Variants in EYS observed in about 807,000 individuals in gnomAD.
EYS encodes the protein EGF-like photoreceptor maintenance factor, also known as protein eyes shut homolog.
Under a neutral mutation model 282.1 loss-of-function variants are expected in EYS, and 250 were observed. The observed-to-expected ratio is 0.89, with a 90% CI of 0.80 to 0.98. The LOEUF (loss-of-function observed/expected upper bound fraction) is 0.98, where lower values mean the gene tolerates loss of function less well. EYS is among the 50% of genes least tolerant of loss of function. The probability of loss-of-function intolerance (pLI) is 0.00; values close to 1 mark genes in which losing one functional copy is unlikely to be tolerated. For missense variants in EYS, 4,016 were observed against 3,709.0 expected, an observed-to-expected ratio of 1.08 and a Z score of -2.15; for synonymous variants, 1,355 against 1,282.9, an observed-to-expected ratio of 1.06 and a Z score of -1.20.
intron 26 of EYS, among the ~76,000 whole-genome samples, chr6:64,487,322 T>C (rs1776605730): frequency 6.6e-6 from 1 of 150,980 alleles, no homozygotes; most frequent in African/African-American, 2.4e-5. Flanking sequence ...TAACCTGAAA[T>C]CATATAGAGA....
At chr6:64,697,471 C>T (rs1770621688) in intron 22 of EYS, among the ~76,000 whole-genome samples, 1 of 152,144 alleles carries the variant, frequency 6.6e-6, no homozygotes. Flanking sequence ...TAGCACTGGA[C>T]ATGTCATTGA....
chr6:64,728,623 C>A (rs183626878), intron 22 of EYS, among the ~76,000 whole-genome samples: 2 of 152,288 alleles, frequency 1.3e-5, no homozygotes, highest in Admixed American at 1.3e-4. Flanking sequence ...GTGTGAGCCA[C>A]CGCGACCAGC....
intron 35 of EYS, among the ~76,000 whole-genome samples, chr6:63,873,945 G>T (rs888522116): frequency 6.6e-6 from 1 of 152,076 alleles, no homozygotes; most frequent in Non-Finnish European, 1.5e-5. Context: ...TCTGTAGGGT[G>T]CCTGTTCACT....
intron 22 of EYS, among the ~76,000 whole-genome samples, chr6:64,672,941 T>C (rs1238509910): frequency 6.6e-6 from 1 of 152,168 alleles, no homozygotes; most frequent in East Asian, 1.9e-4. Flanking sequence ...GAAGCATTCA[T>C]ATTTAGGAAA....
intron 12 of EYS, among the ~76,000 whole-genome samples, chr6:65,075,194 A>C (rs1309734221): frequency 6.6e-6 from 1 of 151,958 alleles, no homozygotes; most frequent in Non-Finnish European, 1.5e-5. Context: ...TTTGTATCCC[A>C]CCAAGAGTTT....
At chr6:64,850,037 T>G (rs1562224517) in intron 19 of EYS, among the ~76,000 whole-genome samples, 1 of 152,040 alleles carries the variant, frequency 6.6e-6, no homozygotes, top group Non-Finnish European at 1.5e-5. Context: ...CCTACAATTT[T>G]GCTTATTACA....
chr6:64,252,151 G>A (rs1235808539), intron 30 of EYS, among the ~76,000 whole-genome samples: 1 of 151,932 alleles, frequency 6.6e-6, no homozygotes, highest in Non-Finnish European at 1.5e-5. Context: ...TTTCTCTTTA[G>A]TGCTTCAGAT....
chr6:64,811,385 G>A (rs1764588642), intron 22 of EYS, among the ~76,000 whole-genome samples: 1 of 151,438 alleles, frequency 6.6e-6, no homozygotes, highest in Non-Finnish European at 1.5e-5. Context: ...AAAAGAAGCA[G>A]GCATCTTCAG....
At chr6:65,272,176 T>A (rs867384864) in intron 12 of EYS, among the ~76,000 whole-genome samples, 1 of 152,196 alleles carries the variant, frequency 6.6e-6, no homozygotes, top group African/African-American at 2.4e-5. Context: ...ATATACTCAG[T>A]CACTGAGATC....
chr6:64,134,980 C>A (rs1433868501), intron 31 of EYS, among the ~76,000 whole-genome samples: 1 of 152,102 alleles, frequency 6.6e-6, no homozygotes, highest in African/African-American at 2.4e-5. Flanking sequence ...AAGTTAAATA[C>A]ATTTTTCATT....
chr6:64,415,586 G>A (rs766672935), intron 28 of EYS, among the ~76,000 whole-genome samples: 1 of 152,048 alleles, frequency 6.6e-6, no homozygotes, highest in Non-Finnish European at 1.5e-5. Context: ...CATTCTGAGG[G>A]TACAATGTTC....
At chr6:63,976,323 A>G (rs1364355453) in intron 35 of EYS, among the ~76,000 whole-genome samples, 1 of 152,090 alleles carries the variant, frequency 6.6e-6, no homozygotes, top group Non-Finnish European at 1.5e-5. Context: ...CAACATCACC[A>G]GAAAACAGGA....
intron 26 of EYS, among the ~76,000 whole-genome samples, chr6:64,583,905 A>G (rs1766150800): frequency 6.6e-6 from 1 of 152,188 alleles, no homozygotes; most frequent in Admixed American, 6.6e-5. Flanking sequence ...TAATAATTTC[A>G]TTAAAAATAT....
At chr6:65,139,730 C>T (rs1764282177) in intron 12 of EYS, among the ~76,000 whole-genome samples, 1 of 151,980 alleles carries the variant, frequency 6.6e-6, no homozygotes, top group East Asian at 1.9e-4. Flanking sequence ...CAGTGAAAAG[C>T]CCAATATCCC....
rs147919748 is a variant in EYS at position 65,054,050 on chromosome 6, A to G, written c.2137+3564T>C. The stretch of plus-strand genomic sequence containing the variant: ...AATAGAAATTATTTGAGCTTTTTGC[A>G]TAGAAACTGAACTCATAGATGGATT... On this transcript the variant is annotated intron_variant, in intron 13 of 42. Transcript: ENST00000503581. Among the ~76,000 whole-genome samples, 208 of 152,110 alleles carry G rather than the reference A, an allele frequency of 1.4e-3. 1 individual carries two copies. Among genetic ancestry groups the G allele is most frequent in the Middle Eastern group, 0.014 (4 of 294 alleles).
At chr6:65,204,747 A>C (rs979903948) in intron 12 of EYS, among the ~76,000 whole-genome samples, 3 of 151,378 alleles carry the variant, frequency 2.0e-5, no homozygotes, top group African/African-American at 7.3e-5. Context: ...ATTCTACTTA[A>C]ATATTAACCA....
chr6:63,821,581 G>T (rs1771327450), intron 36 of EYS: 1 of 152,246 alleles, frequency 6.6e-6, no homozygotes, highest in South Asian at 2.1e-4. Context: ...ATGACAGGTT[G>T]CTTCTTGACT....
intron 2 of EYS, among the ~76,000 whole-genome samples, chr6:65,512,996 C>T (rs1471827077): frequency 6.6e-6 from 1 of 152,078 alleles, no homozygotes; most frequent in South Asian, 2.1e-4. Flanking sequence ...TTAATGAATC[C>T]ACAAGCTGGT....
chr6:64,342,653 T>C (rs927134185), intron 29 of EYS, among the ~76,000 whole-genome samples: 4 of 151,994 alleles, frequency 2.6e-5, no homozygotes, highest in African/African-American at 4.8e-5. Context: ...AGAAACTGCA[T>C]CAACTAACGA....
Sources: allele counts gnomAD v4.1 joint callset (sites outside exome capture counted in the v4.1 genomes callset), GRCh38; gene constraint gnomAD v4.1.1; transcripts MANE v1.5; gene names NCBI Gene and HGNC (gene_info 2026-07-23, HGNC 2026-07-21).